Variants in CLIC6 observed in about 807,000 individuals in gnomAD.
CLIC6 encodes CLIC family member 6.
CLIC6 carries 39 observed loss-of-function variants against 49.2 expected under a neutral mutation model. That is an observed-to-expected ratio of 0.79 (90% CI 0.61 to 1.04). The LOEUF (loss-of-function observed/expected upper bound fraction) is 1.04. Ranked by LOEUF, CLIC6 falls within the 50% of genes least tolerant of loss-of-function variation. The pLI, the probability that CLIC6 is intolerant of heterozygous loss-of-function variation, is 0.00. For synonymous variants in CLIC6, 446 were observed against 433.4 expected, an observed-to-expected ratio of 1.03 and a Z score of -0.36; for missense variants, 988 against 993.1, an observed-to-expected ratio of 0.99 and a Z score of 0.07.
At chr21:34,688,260 C>T (rs889465845) in intron 1 of CLIC6, among the ~76,000 whole-genome samples, 2 of 152,164 alleles carry the variant, frequency 1.3e-5, no homozygotes, top group African/African-American at 4.8e-5. Context: ...ATCAGTGTGG[C>T]CGCCCCCCAC....
rs967852346 is a variant in CLIC6 at position 34,670,327 on chromosome 21, C to T, written c.939C>T (p.Val313=). ...CGCCCCAGGCCGAGGCAATTGAGGTCGCAGCCGGGGAGAGTGCGGGGCGCA... is the reference window on the plus strand; with the variant it reads ...CGCCCCAGGCCGAGGCAATTGAGGTTGCAGCCGGGGAGAGTGCGGGGCGCA... The part of the protein sequence containing the change: ...SLSPQAEAIE[V]AAGESAGRSP... The change falls in exon 1 of 6, where the codon GTC becomes GTT. Residue 313 remains valine, a synonymous_variant. Coordinates refer to ENST00000349499, the MANE Select transcript of CLIC6 (RefSeq NM_053277.3). 2 of 1,445,886 alleles carry T rather than the reference C, an allele frequency of 1.4e-6. No individual in the cohort carries two copies. The highest frequency in any genetic ancestry group is 1.5e-5 in the African/African-American group (1 of 67,022). 89.6% of individuals were successfully genotyped at this position (1,445,886 alleles called of 1,614,324 possible). A position where few individuals can be genotyped will look rare whatever the true frequency, so the allele number is the denominator to read the frequency against.
In CLIC6 at chr21:34,707,274, T is replaced by C. The variant is rs373854435; in HGVS notation, c.1375-6T>C. On this transcript the variant is annotated splice_polypyrimidine_tract_variant and splice_region_variant and intron_variant, in intron 1 of 5. Coordinates refer to ENST00000349499, the MANE Select transcript of CLIC6 (RefSeq NM_053277.3). ...CTCAGATAGAAATCTCCTTCTCCAC[T>C]TGTAGGCTGGTTATGATGGTGAGAG... 6.2e-6 allele frequency: 10 copies of C among 1,607,884 alleles called. No homozygotes were observed. The highest frequency in any genetic ancestry group is 4.0e-5 in the African/African-American group (3 of 74,808).
intron 3 of CLIC6, 89 bp downstream of exon 3, chr21:34,708,158 T>G (rs767371901): frequency 6.8e-7 from 1 of 1,473,346 alleles, no homozygotes; most frequent in African/African-American, 1.4e-5. Flanking sequence ...TGTGTGTGTG[T>G]GTGGTTTTCT....
intron 1 of CLIC6, among the ~76,000 whole-genome samples, chr21:34,678,390 C>T (rs1181138146): frequency 4.6e-5 from 7 of 150,878 alleles, no homozygotes; most frequent in African/African-American, 7.3e-5. Flanking sequence ...TGCAGTGAGC[C>T]GAGATTGCAC....
rs749835973 is a variant in CLIC6 at position 34,669,543 on chromosome 21, G to T, written c.155G>T (p.Arg52Met). The T allele has an allele frequency of 7.1e-5, 89 of 1,245,164 alleles. No individual in the cohort carries two copies. Among genetic ancestry groups the T allele is most frequent in the Non-Finnish European group, 8.7e-5 (87 of 996,650 alleles). 77.1% of individuals were successfully genotyped at this position (1,245,164 alleles called of 1,614,324 possible). A position where few individuals can be genotyped will look rare whatever the true frequency, so the allele number is the denominator to read the frequency against. Reference sequence around the variant, plus strand: ...AGCGAGGGCGCAGAGGAGGCGCCGAGGGGCGCCGCCGCTGTGAAGGAGGCA... The same window carrying T: ...AGCGAGGGCGCAGAGGAGGCGCCGATGGGCGCCGCCGCTGTGAAGGAGGCA... ...EGSEGAEEAP[R>M]GAAAVKEAGG... The change falls in exon 1 of 6, where the codon AGG becomes ATG. Residue 52 changes from arginine to methionine, a missense_variant. By Grantham distance (91) the Arg-to-Met change is moderately conservative. Coordinates refer to ENST00000349499, the MANE Select transcript of CLIC6 (RefSeq NM_053277.3).
At chr21:34,693,112 A>C (rs1990026120) in intron 1 of CLIC6, among the ~76,000 whole-genome samples, 1 of 152,228 alleles carries the variant, frequency 6.6e-6, no homozygotes, top group Non-Finnish European at 1.5e-5. Context: ...TTAAAAGCAC[A>C]CTGTTCAGGT....
At chr21:34,688,852 C>T (rs1343743783) in intron 1 of CLIC6, among the ~76,000 whole-genome samples, 2 of 152,192 alleles carry the variant, frequency 1.3e-5, no homozygotes, top group African/African-American at 2.4e-5. Flanking sequence ...CTGATGGCCG[C>T]AATGTCAAAA....
intron 1 of CLIC6, among the ~76,000 whole-genome samples, chr21:34,675,514 CT>C (rs1418090938): frequency 6.8e-6 from 1 of 147,566 alleles, no homozygotes; most frequent in African/African-American, 2.5e-5. Flanking sequence ...TAATTCTCCC[CT>C]AAAAACAAAT....
Position 34,669,797 on chromosome 21 carries a change from A to G in CLIC6, c.409A>G (p.Arg137Gly), listed in dbSNP as rs1389996816. 3 of 1,417,466 alleles carry G rather than the reference A, an allele frequency of 2.1e-6. No individual in the cohort carries two copies. Among genetic ancestry groups the G allele is most frequent in the Non-Finnish European group, 2.7e-6 (3 of 1,095,796 alleles). The allele number at this position is 1,417,466 out of a possible 1,614,324, so 87.8% of individuals were successfully genotyped here. Residue 137 changes from arginine to glycine, a missense_variant, in exon 1 of 6, where the codon AGG (arginine) becomes GGG (glycine). By Grantham distance (125) the Arg-to-Gly change is moderately radical. Around this residue, in one of 3 missense-constraint regions of CLIC6, gnomAD observed 284 missense variants for 278.6 expected, o/e 1.02. Transcript: ENST00000349499. ...GCCCGAGGACTCTGCGGCCCCCGAG[A>G]GGCAGGAGGAGGCGGAGCAGAGGCC... is the stretch of plus-strand genomic sequence containing the variant. ...REPEDSAAPE[R>G]QEEAEQRPEV...
chr21:34,670,113 C>T lies in CLIC6; in HGVS notation c.725C>T (p.Ala242Val). 9.0e-7 allele frequency: 1 copy of T among 1,112,186 alleles called. No homozygotes were observed. The highest frequency in any genetic ancestry group is 1.1e-6 in the Non-Finnish European group (1 of 885,752). 68.9% of individuals were successfully genotyped at this position (1,112,186 alleles called of 1,614,324 possible). A position where few individuals can be genotyped will look rare whatever the true frequency, so the allele number is the denominator to read the frequency against. ...AEGPAGDSVD[A>V]EGRVGDSVEA... is the part of the protein sequence containing the mutation. Reference sequence around the variant, plus strand: ...GGTCCGGCGGGGGACAGCGTAGACGCGGAGGGCCGGGTGGGGGACAGCGTA... The same window carrying T: ...GGTCCGGCGGGGGACAGCGTAGACGTGGAGGGCCGGGTGGGGGACAGCGTA... Residue 242 changes from alanine (A) to valine (V), a missense_variant, in exon 1 of 6, where the codon GCG becomes GTG. Ala to Val is a moderately conservative substitution (Grantham distance 64). This residue lies in a region of CLIC6 where 57 missense variants were observed against 117.6 expected (regional missense o/e 0.48). Coordinates refer to ENST00000349499, the MANE Select transcript of CLIC6 (RefSeq NM_053277.3).
intron 1 of CLIC6, among the ~76,000 whole-genome samples, chr21:34,695,618 T>C (rs1990075512): frequency 1.3e-5 from 2 of 152,216 alleles, no homozygotes; most frequent in South Asian, 4.1e-4. Context: ...TTTGCTTGGC[T>C]GTGTTGGGGA....
chr21:34,707,354 C>T lies in CLIC6; in HGVS notation c.1449C>T (p.Gly483=), dbSNP rs369846247. 2.2e-5 allele frequency: 35 copies of T among 1,613,408 alleles called. No individual in the cohort carries two copies. The highest frequency in any genetic ancestry group is 5.5e-5 in the South Asian group (5 of 91,060). ...QRLFMILWLK[G]VIFNVTTVDL... ...TCTTTATGATTCTCTGGCTGAAAGG[C>T]GTTATATTTAATGTGACCACAGTGG... Residue 483 remains glycine (G), a synonymous_variant, in exon 2 of 6, where the codon GGC becomes GGT. Coordinates refer to ENST00000349499, the MANE Select transcript of CLIC6 (RefSeq NM_053277.3).
rs1369400385 is a variant in CLIC6, at chr21:34,669,700, C to T, written c.312C>T (p.Gly104=). ...CCCAAGGAGGGGAGGAGACAAGCGG[C>T]GCGCAGCAGGTGGAGGGGGCGAGCC... The part of the protein sequence containing the change: ...EVPQGGEETS[G]AQQVEGASPG... Residue 104 remains glycine, a synonymous_variant, in exon 1 of 6, where the codon GGC becomes GGT. Coordinates refer to ENST00000349499, the MANE Select transcript of CLIC6 (RefSeq NM_053277.3). 7.3e-7 allele frequency: 1 copy of T among 1,363,766 alleles called. No individual in the cohort carries two copies. The highest frequency in any genetic ancestry group is 3.1e-5 in the East Asian group (1 of 32,386). 84.5% of individuals were successfully genotyped at this position (1,363,766 alleles called of 1,614,324 possible).
Position 34,669,357 on chromosome 21 carries a change from G to T in CLIC6, c.-32G>T, listed in dbSNP as rs1989475951. On this transcript the variant is annotated 5_prime_UTR_variant, in exon 1 of 6. In the 5' UTR this introduces an upstream ATG that the reference lacks. Coordinates refer to ENST00000349499, the MANE Select transcript of CLIC6 (RefSeq NM_053277.3). The stretch of plus-strand genomic sequence containing the variant: ...CCGACCCTTAAGCAGCGTCAAGGAA[G>T]GAGTCCCGATCAAGGACAGGGATCT... 2 of 1,234,268 alleles carry T rather than the reference G, an allele frequency of 1.6e-6. No individual in the cohort carries two copies. Among genetic ancestry groups the T allele is most frequent in the East Asian group, 6.3e-5 (2 of 31,888 alleles). The allele number at this position is 1,234,268 out of a possible 1,614,324, so 76.5% of individuals were successfully genotyped here.
Position 34,670,358 on chromosome 21 carries a change from G to C in CLIC6, c.970G>C (p.Gly324Arg). 6.9e-7 allele frequency: 1 copy of C among 1,452,228 alleles called. No individual in the cohort carries two copies. Among genetic ancestry groups the C allele is most frequent in the Non-Finnish European group, 9.1e-7 (1 of 1,102,692 alleles). The allele number at this position is 1,452,228 out of a possible 1,614,324, so 90.0% of individuals were successfully genotyped here. Residue 324 changes from glycine to arginine, a missense_variant, in exon 1 of 6, where the codon GGT becomes CGT. Gly to Arg is a moderately radical substitution (Grantham distance 125). Coordinates refer to ENST00000349499, the MANE Select transcript of CLIC6 (RefSeq NM_053277.3). The stretch of plus-strand genomic sequence containing the variant: ...CGGGGAGAGTGCGGGGCGCAGCCCC[G>C]GTGAGCTCGCCTGGGACGCAGCGGA... ...AAGESAGRSP[G>R]ELAWDAAEEA...
chr21:34,701,429 G>A (rs73196816), intron 1 of CLIC6, among the ~76,000 whole-genome samples: 26,116 of 151,906 alleles, frequency 0.17, 2,482 homozygotes, highest in African/African-American at 0.25. Context: ...TGTCTGCTCT[G>A]GTGTGTTCAG....
intron 1 of CLIC6, among the ~76,000 whole-genome samples, chr21:34,692,579 A>G (rs1990016265): frequency 6.6e-6 from 1 of 152,244 alleles, no homozygotes; most frequent in African/African-American, 2.4e-5. Flanking sequence ...AACCCTTAAG[A>G]TATTTCTGTT....
At chr21:34,689,320 G>A (rs555470801) in intron 1 of CLIC6, among the ~76,000 whole-genome samples, 1 of 152,208 alleles carries the variant, frequency 6.6e-6, no homozygotes, top group Non-Finnish European at 1.5e-5. Flanking sequence ...CAACCCCACA[G>A]GTGCGTGTTG....
chr21:34,675,270 A>AG (rs1989640781), intron 1 of CLIC6, among the ~76,000 whole-genome samples: 1 of 150,350 alleles, frequency 6.7e-6, no homozygotes, highest in African/African-American at 2.5e-5. Flanking sequence ...AAAAAAAAAA[A>AG]GAGCCTTCCA....
Sources: gnomAD v4.1 joint callset for allele counts (sites outside exome capture counted in the v4.1 genomes callset) on GRCh38, gnomAD v4.1.1 for gene constraint, gnomAD v4.1.1 regional missense constraint, MANE v1.5 for transcripts, NCBI Gene and HGNC (gene_info 2026-07-23, HGNC 2026-07-21) for gene names.